The following NEDD4 variants were observed in gnomAD, a reference collection of about 807,000 sequenced individuals.
NEDD4 encodes the protein NEDD4 E3 ubiquitin protein ligase, also known as E3 ubiquitin-protein ligase NEDD4.
NEDD4 carries 99 observed loss-of-function variants against 144.9 expected under a neutral mutation model. The ratio of observed to expected loss-of-function variants is 0.68; its 90% CI spans 0.58 to 0.81. The LOEUF (loss-of-function observed/expected upper bound fraction) is 0.81, where lower values mean the gene tolerates loss of function less well. Ranked by LOEUF, NEDD4 falls within the 30% of genes least tolerant of loss-of-function variation. The probability of loss-of-function intolerance (pLI) is 0.00; values close to 1 mark genes in which losing one functional copy is unlikely to be tolerated. For missense variants in NEDD4, 985 were observed against 1,065.9 expected (o/e 0.92, Z 1.06); for synonymous variants, 318 against 350.6 (o/e 0.91, Z 1.04).
intron 1 of NEDD4, among the ~76,000 whole-genome samples, chr15:55,976,361 C>G (rs2037699583): frequency 3.3e-5 from 5 of 152,060 alleles, no homozygotes; most frequent in Admixed American, 2.6e-4. Flanking sequence ...ATATGAAGCT[C>G]AAACAACTCA....
At chr15:55,896,108 A>G (rs1181324866) in intron 5 of NEDD4, among the ~76,000 whole-genome samples, 1 of 152,154 alleles carries the variant, frequency 6.6e-6, no homozygotes, top group Non-Finnish European at 1.5e-5. Flanking sequence ...AAGCCCCCCA[A>G]TAGCTGCAAT....
At chr15:55,855,998 C>A in intron 12 of NEDD4, 133 bp downstream of exon 12, 1 of 703,980 alleles carries the variant, frequency 1.4e-6, no homozygotes, top group Non-Finnish European at 2.4e-6. Flanking sequence ...CCCTGAACAT[C>A]ACCACCTGGA....
At chr15:55,938,543 C>A (rs55747940) in intron 4 of NEDD4, among the ~76,000 whole-genome samples, 20,447 of 152,006 alleles carry the variant, frequency 0.13, 1,495 homozygotes, top group East Asian at 0.32. Flanking sequence ...TGACTTTGGT[C>A]TTGACAATGA....
chr15:55,841,894 T>C (rs755986829), intron 19 of NEDD4, 40 bp downstream of exon 19: 1 of 1,548,762 alleles, frequency 6.5e-7, no homozygotes, highest in African/African-American at 1.4e-5. Flanking sequence ...AAAACAGTGA[T>C]TTTTCTTTTT....
intron 5 of NEDD4, among the ~76,000 whole-genome samples, chr15:55,877,728 C>G (rs1262178214): frequency 6.6e-6 from 1 of 152,012 alleles, no homozygotes; most frequent in East Asian, 1.9e-4. Flanking sequence ...AATTATTATT[C>G]TGCTTAAGCA....
intron 1 of NEDD4, among the ~76,000 whole-genome samples, chr15:55,985,125 C>G (rs189634332): frequency 2.6e-5 from 4 of 152,300 alleles, no homozygotes; most frequent in Admixed American, 2.0e-4. Context: ...TTTTCTATAC[C>G]CCTGCTCACC....
At chr15:55,944,793 AG>A (rs2142284957) in intron 4 of NEDD4, among the ~76,000 whole-genome samples, 1 of 152,158 alleles carries the variant, frequency 6.6e-6, no homozygotes, top group Admixed American at 6.5e-5. Context: ...TTCCAGAGGA[AG>A]GATGAGGCAG....
At chr15:55,978,607 AAC>A (rs1180825027) in intron 1 of NEDD4, among the ~76,000 whole-genome samples, 2 of 152,234 alleles carry the variant, frequency 1.3e-5, no homozygotes, top group African/African-American at 4.8e-5. Context: ...ACAAAAGTTA[AAC>A]ACCTTTTCCG....
intron 24 of NEDD4, among the ~76,000 whole-genome samples, chr15:55,836,792 T>G (rs1327625920): frequency 6.6e-6 from 1 of 152,106 alleles, no homozygotes; most frequent in African/African-American, 2.4e-5. Context: ...ACTCCCAAAG[T>G]GCTGGGATCA....
At chr15:55,967,378 A>G (rs993006569) in intron 1 of NEDD4, among the ~76,000 whole-genome samples, 1 of 152,140 alleles carries the variant, frequency 6.6e-6, no homozygotes, top group African/African-American at 2.4e-5. Context: ...GGAATAAAGT[A>G]TCATAAAGCT....
intron 1 of NEDD4, among the ~76,000 whole-genome samples, chr15:55,970,127 T>TA (rs2037582852): frequency 6.6e-6 from 1 of 152,148 alleles, no homozygotes; most frequent in East Asian, 1.9e-4. Context: ...AGCCAGACTA[T>TA]AGTAGCCACA....
chr15:55,909,735 A>T (rs12593387), intron 5 of NEDD4, among the ~76,000 whole-genome samples: 21,723 of 152,138 alleles, frequency 0.14, 1,693 homozygotes, highest in East Asian at 0.35. Flanking sequence ...GTGAGGCCTC[A>T]CAACAGCTAG....
chr15:55,834,214 T>C lies in NEDD4; in HGVS notation c.2322+13A>G, dbSNP rs1420581829. 3 of 1,609,766 alleles carry C rather than the reference T, an allele frequency of 1.9e-6. No individual in the cohort carries two copies. The highest frequency in any genetic ancestry group is 3.3e-5 in the Admixed American group (2 of 59,862). ...TCACAATTTCTGTTTCAACATAAAA[T>C]GTTATGTCTTACCTCTAGTTCATTT... On this transcript the variant is annotated intron_variant, in intron 25 of 28. Transcript: ENST00000435532.
At chr15:55,877,811 ATTATC>A (rs1310401863) in intron 5 of NEDD4, among the ~76,000 whole-genome samples, 1 of 152,092 alleles carries the variant, frequency 6.6e-6, no homozygotes. Flanking sequence ...TTTGTTTTAT[ATTATC>A]TTATAAGATA....
chr15:55,860,065 C>T (rs145768630), intron 11 of NEDD4, among the ~76,000 whole-genome samples: 134 of 152,272 alleles, frequency 8.8e-4, no homozygotes, highest in African/African-American at 3.1e-3. Context: ...GAGCCCAAAT[C>T]CCTGAAGTCT....
chr15:55,985,966 T>C (rs1339647458), intron 1 of NEDD4, among the ~76,000 whole-genome samples: 5 of 152,190 alleles, frequency 3.3e-5, no homozygotes, highest in Admixed American at 3.3e-4. Flanking sequence ...GAACAACTTC[T>C]GCCAGAAAGT....
At chr15:55,940,832 T>C (rs1372114609) in intron 4 of NEDD4, among the ~76,000 whole-genome samples, 2 of 152,128 alleles carry the variant, frequency 1.3e-5, no homozygotes, top group African/African-American at 4.8e-5. Context: ...AAACATTCTT[T>C]CTAATAAAAG....
rs959686775 is a variant in NEDD4 at position 55,840,722 on chromosome 15, T to C, written c.1844A>G (p.Asn615Ser). ...GTTTGGATTTATCTGTAGGGTATAA[T>C]TGTCCCTGTAAAGACAACCCCATTT... Reference protein sequence around the residue: ...YGLFEYSATDNYTLQINPNSG... With the variant: ...YGLFEYSATDSYTLQINPNSG... The change falls in exon 20 of 29, where the codon AAT becomes AGT. Residue 615 changes from asparagine (N) to serine (S), a missense_variant. Asn to Ser is a conservative substitution (Grantham distance 46). Coordinates refer to ENST00000435532, the MANE Select transcript of NEDD4 (RefSeq NM_006154.4). 3.7e-6 allele frequency: 6 copies of C among 1,610,416 alleles called. No individual in the cohort carries two copies. The East Asian group carries it at 1.1e-4, about 30-fold the overall frequency.
intron 5 of NEDD4, among the ~76,000 whole-genome samples, chr15:55,880,973 C>T (rs2035170564): frequency 6.6e-6 from 1 of 152,046 alleles, no homozygotes; most frequent in Non-Finnish European, 1.5e-5. Flanking sequence ...ACATTTCAAA[C>T]AGGTATATCC....
Sources: allele counts gnomAD v4.1 joint callset (sites outside exome capture counted in the v4.1 genomes callset), GRCh38; gene constraint gnomAD v4.1.1; transcripts MANE v1.5; gene names NCBI Gene and HGNC (gene_info 2026-07-23, HGNC 2026-07-21).